The following SHISAL1 variants were observed in gnomAD, a reference collection of about 807,000 sequenced individuals.
The protein encoded by SHISAL1 is shisa like 1.
A neutral mutation model predicts 22.6 loss-of-function variants in SHISAL1; 9 were observed. That is an observed-to-expected ratio of 0.40 (90% CI 0.24 to 0.70). The LOEUF (loss-of-function observed/expected upper bound fraction) is 0.70, where lower values mean the gene tolerates loss of function less well. SHISAL1 is among the 30% of genes least tolerant of loss of function. The probability of loss-of-function intolerance (pLI) is 0.39; values close to 1 mark genes in which losing one functional copy is unlikely to be tolerated. For missense variants in SHISAL1, 246 were observed against 270.6 expected (o/e 0.91, Z 0.64); for synonymous variants, 119 against 115.4 (o/e 1.03, Z -0.20).
intron 1 of SHISAL1, among the ~76,000 whole-genome samples, 163 bp downstream of exon 1, chr22:44,312,588 G>A (rs747013334): frequency 5.3e-5 from 8 of 151,984 alleles, no homozygotes; most frequent in Non-Finnish European, 7.4e-5. Flanking sequence ...CCGTCACCCC[G>A]GCCCCTCCCA....
At chr22:44,328,835 T>C in the SHISAL1 span, among the ~76,000 whole-genome samples, 7 of 150,708 alleles carry the variant, frequency 4.6e-5, no homozygotes, top group African/African-American at 1.2e-4. Context: ...TGTTGTCTCC[T>C]GCCCTGGCCC....
intron 4 of SHISAL1, among the ~76,000 whole-genome samples, chr22:44,254,043 G>C (rs1409093014): frequency 6.6e-6 from 1 of 151,738 alleles, no homozygotes; most frequent in Non-Finnish European, 1.5e-5. Context: ...GCCACCAAGA[G>C]GTCTATAAAC....
intron 4 of SHISAL1, among the ~76,000 whole-genome samples, chr22:44,256,774 A>G (rs890613002): frequency 2.6e-5 from 4 of 152,174 alleles, no homozygotes; most frequent in African/African-American, 7.2e-5. Flanking sequence ...ATTAAGATGA[A>G]CTGAACAAAC....
At chr22:44,326,049 C>T in the SHISAL1 span, among the ~76,000 whole-genome samples, 3 of 152,010 alleles carry the variant, frequency 2.0e-5, no homozygotes, top group Non-Finnish European at 4.4e-5. Context: ...CTCCTCGCCC[C>T]AGAACTTGGT....
At chr22:44,275,495 C>A (rs2055233569) in intron 4 of SHISAL1, among the ~76,000 whole-genome samples, 1 of 152,148 alleles carries the variant, frequency 6.6e-6, no homozygotes, top group Non-Finnish European at 1.5e-5. Context: ...TTTGGGGGAC[C>A]CCTGAGGTCC....
chr22:44,308,408 T>C (rs1248818164), intron 1 of SHISAL1, among the ~76,000 whole-genome samples: 1 of 152,212 alleles, frequency 6.6e-6, no homozygotes, highest in Non-Finnish European at 1.5e-5. Flanking sequence ...ACTGTGGCCA[T>C]CTTGCCCTCC....
At chr22:44,321,653 C>A in the SHISAL1 span, among the ~76,000 whole-genome samples, 1 of 152,172 alleles carries the variant, frequency 6.6e-6, no homozygotes, top group African/African-American at 2.4e-5. Context: ...ATGACATGCA[C>A]CGGACAAGTG....
At chr22:44,264,100 A>G (rs2055145376) in intron 4 of SHISAL1, among the ~76,000 whole-genome samples, 1 of 152,236 alleles carries the variant, frequency 6.6e-6, no homozygotes, top group Non-Finnish European at 1.5e-5. Context: ...CAAAGGGCAC[A>G]GATCCAGGCT....
chr22:44,300,466 G>A lies in SHISAL1; in HGVS notation c.67+413C>T, dbSNP rs140208447. On this transcript the variant is annotated intron_variant, in intron 2 of 4. Coordinates refer to ENST00000381176, the MANE Select transcript of SHISAL1 (RefSeq NM_001099294.2). The stretch of plus-strand genomic sequence containing the variant: ...CCAGGGACAGCCCAGGAGGCTGGTC[G>A]GGCTAGAATCCGCTAACTGCCTTGT... Among the ~76,000 whole-genome samples the A allele has an allele frequency of 2.8e-4, 43 of 152,322 alleles. 2 individuals carry two copies. In the East Asian group the frequency reaches 8.1e-3, roughly 29 times the overall value.
intron 4 of SHISAL1, among the ~76,000 whole-genome samples, chr22:44,269,711 TACAC>T (rs1569212821): frequency 1.4e-5 from 2 of 145,838 alleles, no homozygotes; most frequent in East Asian, 2.1e-4. Flanking sequence ...TCACAACACA[TACAC>T]ACACCCATGC....
At chr22:44,256,127 C>T (rs988344042) in intron 4 of SHISAL1, among the ~76,000 whole-genome samples, 1 of 148,870 alleles carries the variant, frequency 6.7e-6, no homozygotes, top group Non-Finnish European at 1.5e-5. Context: ...CATTGGCTCT[C>T]CTGGGTCTCA....
At chr22:44,255,217 C>G (rs2055076475) in intron 4 of SHISAL1, among the ~76,000 whole-genome samples, 1 of 152,064 alleles carries the variant, frequency 6.6e-6, no homozygotes, top group South Asian at 2.1e-4. Flanking sequence ...GTCGGAGTTT[C>G]ACTCTGTTGC....
chr22:44,297,823 T>C (rs1438678761), intron 2 of SHISAL1, among the ~76,000 whole-genome samples: 1 of 152,268 alleles, frequency 6.6e-6, no homozygotes, highest in African/African-American at 2.4e-5. Context: ...GAAAAGGGGC[T>C]TCGCTGGCTG....
At chr22:44,322,849 C>T in the SHISAL1 span, among the ~76,000 whole-genome samples, 1 of 152,226 alleles carries the variant, frequency 6.6e-6, no homozygotes, top group African/African-American at 2.4e-5. Flanking sequence ...GCTTCTGCCC[C>T]CAAACTTCAG....
chr22:44,295,821 C>G (rs561606306), intron 3 of SHISAL1, among the ~76,000 whole-genome samples: 1 of 152,284 alleles, frequency 6.6e-6, no homozygotes, highest in African/African-American at 2.4e-5. Context: ...AATAGAGAAA[C>G]GCATGCTGTT....
chr22:44,266,528 ATGTGTGTGTGTGTG>A (rs11473448), intron 4 of SHISAL1, among the ~76,000 whole-genome samples: 38 of 108,418 alleles, frequency 3.5e-4, no homozygotes, highest in African/African-American at 1.4e-3. Context: ...GCTTTGGGGT[ATGTGTGTGTGTGTG>A]TGTGTGTGTG....
At chr22:44,265,328 C>G (rs2055154600) in intron 4 of SHISAL1, among the ~76,000 whole-genome samples, 1 of 152,192 alleles carries the variant, frequency 6.6e-6, no homozygotes, top group African/African-American at 2.4e-5. Flanking sequence ...TGAACTCTCT[C>G]TCCCAGAGCC....
chr22:44,253,165 A>G lies in SHISAL1; in HGVS notation c.*-3480T>C, dbSNP rs2055060732. On this transcript the variant is annotated intron_variant, in intron 4 of 4. Transcript: ENST00000381176. Reference sequence around the variant, plus strand: ...ATGTGCATTTTACCATAATTTTTAAAAAGGATGAACAGAAGCATAACAAAC... The same window carrying G: ...ATGTGCATTTTACCATAATTTTTAAGAAGGATGAACAGAAGCATAACAAAC... 2.0e-5 allele frequency among the ~76,000 whole-genome samples: 3 copies of G among 152,208 alleles called. No individual in the cohort carries two copies. The South Asian group carries it at 6.2e-4, about 31-fold the overall frequency.
intron 4 of SHISAL1, among the ~76,000 whole-genome samples, chr22:44,273,956 G>T (rs1053733529): frequency 1.3e-5 from 2 of 152,134 alleles, no homozygotes; most frequent in Non-Finnish European, 2.9e-5. Flanking sequence ...GGTGGCTCAC[G>T]CCTGTAGTTC....
Sources: allele counts gnomAD v4.1 joint callset (sites outside exome capture counted in the v4.1 genomes callset), GRCh38; gene constraint gnomAD v4.1.1; transcripts MANE v1.5; gene names NCBI Gene and HGNC (gene_info 2026-07-23, HGNC 2026-07-21).